The following CLBA1 variants were observed in gnomAD, a reference collection of about 807,000 sequenced individuals.
The protein encoded by CLBA1 is clathrin binding box of aftiphilin containing 1.
CLBA1 carries 30 observed loss-of-function variants against 28.8 expected under a neutral mutation model. The ratio of observed to expected loss-of-function variants is 1.04; its 90% CI spans 0.78 to 1.41. The LOEUF is 1.41. CLBA1 is among the 40% of genes most tolerant of loss of function. The pLI, the probability that CLBA1 is intolerant of heterozygous loss-of-function variation, is 0.00. For missense variants in CLBA1, 451 were observed against 412.3 expected (o/e 1.09, Z -0.81); for synonymous variants, 160 against 152.8 (o/e 1.05, Z -0.35).
Position 104,994,933 on chromosome 14 carries a change from TG to T in CLBA1, c.*176del, listed in dbSNP as rs949605512. The T allele has an allele frequency of 1.5e-5, 20 of 1,347,048 alleles. No individual in the cohort carries two copies. The highest frequency in any genetic ancestry group is 1.7e-5 in the Non-Finnish European group (18 of 1,051,866). The allele number at this position is 1,347,048 out of a possible 1,614,324, so 83.4% of individuals were successfully genotyped here. A position where few individuals can be genotyped will look rare whatever the true frequency, so the allele number is the denominator to read the frequency against. On this transcript the variant is annotated 3_prime_UTR_variant, in exon 5 of 5. Coordinates refer to ENST00000547315, the MANE Select transcript of CLBA1 (RefSeq NM_174891.4). ...GCTTGTCTCGGGTCTGACCAGGAGA[TG>T]GAGGATGTGTCCTTGGCAGAGCCAA...
intron 1 of CLBA1, among the ~76,000 whole-genome samples, chr14:104,987,982 CTCTT>C (rs1899914134): frequency 6.6e-6 from 1 of 152,046 alleles, no homozygotes. Context: ...ATGAGATCCA[CTCTT>C]AATAGAGTAA....
chr14:104,992,121 G>A (rs1361463356), intron 3 of CLBA1, among the ~76,000 whole-genome samples: 7 of 128,514 alleles, frequency 5.4e-5, no homozygotes, highest in African/African-American at 1.9e-4. Flanking sequence ...CCATGCACAC[G>A]CCACCACGCA....
chr14:104,988,893 A>G (rs1299425143), intron 1 of CLBA1, 50 bp from the exon 2 acceptor site: 1 of 1,512,328 alleles, frequency 6.6e-7, no homozygotes. Flanking sequence ...AGGTAACGTT[A>G]TGTATGTCTT....
downstream of CLBA1, among the ~76,000 whole-genome samples, chr14:104,998,631 C>T (rs369891022): frequency 6.6e-6 from 1 of 152,224 alleles, no homozygotes; most frequent in Non-Finnish European, 1.5e-5. Flanking sequence ...TGCGGGAAAG[C>T]AGCTTCTCTG....
At chr14:104,987,215 TCTG>T (rs1899889171) in intron 1 of CLBA1, among the ~76,000 whole-genome samples, 1 of 152,268 alleles carries the variant, frequency 6.6e-6, no homozygotes, top group African/African-American at 2.4e-5. Flanking sequence ...GAATTCTGAA[TCTG>T]CTGAGTTCAA....
chr14:104,995,755 A>G (rs557972200), downstream of CLBA1, among the ~76,000 whole-genome samples: 3 of 152,352 alleles, frequency 2.0e-5, no homozygotes, highest in South Asian at 4.1e-4. Context: ...GGCCTCGGCC[A>G]CCCAGCTGCA....
Position 104,986,861 on chromosome 14 carries a change from C to A in CLBA1, c.423+7C>A. On this transcript the variant is annotated splice_region_variant and intron_variant, in intron 1 of 4. Transcript: ENST00000547315. ...TGCCGTCCCACCTTCTGAGGTATTTCTGCTGTGCTGTGGTCACCATGTTGA... is the reference window on the plus strand; with the variant it reads ...TGCCGTCCCACCTTCTGAGGTATTTATGCTGTGCTGTGGTCACCATGTTGA... 6.2e-7 allele frequency: 1 copy of A among 1,611,960 alleles called. No homozygotes were observed. Among genetic ancestry groups the A allele is most frequent in the Non-Finnish European group, 8.5e-7 (1 of 1,179,364 alleles).
chr14:104,998,630 G>A (rs1900208801), downstream of CLBA1, among the ~76,000 whole-genome samples: 1 of 152,228 alleles, frequency 6.6e-6, no homozygotes, highest in Non-Finnish European at 1.5e-5. Context: ...GTGCGGGAAA[G>A]CAGCTTCTCT....
At position 104,995,108 on chromosome 14, in the gene CLBA1, A is replaced by G. The variant is rs1900133874; in HGVS notation, c.*349A>G. 10 of 1,004,300 alleles carry G rather than the reference A, an allele frequency of 1.0e-5. No homozygotes were observed. The highest frequency in any genetic ancestry group is 1.2e-5 in the Non-Finnish European group (10 of 842,788). 62.2% of individuals were successfully genotyped at this position (1,004,300 alleles called of 1,614,324 possible). ...GCATGGCTTCTGGGCTGCTTAGTCCAGGGGGAGCAACTTGTGGCCAAATCC... is the reference window on the plus strand; with the variant it reads ...GCATGGCTTCTGGGCTGCTTAGTCCGGGGGGAGCAACTTGTGGCCAAATCC... On this transcript the variant is annotated 3_prime_UTR_variant, in exon 5 of 5. Transcript: ENST00000547315.
chr14:104,986,561 G>T lies in CLBA1; in HGVS notation c.130G>T (p.Asp44Tyr). ...TTTGGAATGGAGACGGACCTGCCCC[G>T]ACCTTCTCCTGTCCGATGGGAAAGC... ...DSLEWRRTCPDLLLSDGKASI... is the reference protein window; with the variant it reads ...DSLEWRRTCPYLLLSDGKASI... The change falls in exon 1 of 5, where the codon GAC (aspartate) becomes TAC (tyrosine). Residue 44 changes from aspartate to tyrosine, a missense_variant. By Grantham distance (160) the Asp-to-Tyr change is radical. Transcript: ENST00000547315. The T allele has an allele frequency of 6.2e-7, 1 of 1,613,968 alleles. No individual in the cohort carries two copies.
At chr14:104,993,242 T>G (rs992507374) in intron 4 of CLBA1, 178 bp downstream of exon 4, 4 of 985,340 alleles carry the variant, frequency 4.1e-6, no homozygotes, top group Non-Finnish European at 4.8e-6. Flanking sequence ...TGAACACCAC[T>G]GCAGGGTGCC....
chr14:104,999,891 G>T (rs923873067), downstream of CLBA1, among the ~76,000 whole-genome samples: 16 of 152,186 alleles, frequency 1.1e-4, no homozygotes, highest in Non-Finnish European at 7.4e-5. Flanking sequence ...GCAAGAAAAA[G>T]AGCAAATTAA....
At chr14:104,998,722 A>G (rs1900211046), downstream of CLBA1, among the ~76,000 whole-genome samples, 1 of 152,248 alleles carries the variant, frequency 6.6e-6, no homozygotes, top group African/African-American at 2.4e-5. Flanking sequence ...GGCCTTTCAC[A>G]GTGAGTGTGG....
chr14:104,998,674 C>G (rs1416801357), downstream of CLBA1, among the ~76,000 whole-genome samples: 1 of 152,342 alleles, frequency 6.6e-6, no homozygotes, highest in African/African-American at 2.4e-5. Flanking sequence ...GGAATTAAGG[C>G]CTGGCCAAGG....
chr14:104,989,297 C>T, intron 2 of CLBA1: 1 of 540,196 alleles, frequency 1.9e-6, no homozygotes, highest in South Asian at 2.1e-5. Context: ...TATTCATCCT[C>T]CTCCCCAGCC....
Position 104,992,940 on chromosome 14 carries a change from C to T in CLBA1, c.700-8C>T. 1 of 1,604,198 alleles carries T rather than the reference C, an allele frequency of 6.2e-7. No individual in the cohort carries two copies. The highest frequency in any genetic ancestry group is 8.5e-7 in the Non-Finnish European group (1 of 1,170,988). The stretch of plus-strand genomic sequence containing the variant: ...GTACCGGCTGTCTGATGGGGTCTGT[C>T]TCCTTAGAACCTTTCTGGAGGCCAG... On this transcript the variant is annotated splice_polypyrimidine_tract_variant and splice_region_variant and intron_variant, in intron 3 of 4. Coordinates refer to ENST00000547315, the MANE Select transcript of CLBA1 (RefSeq NM_174891.4).
At chr14:104,992,310 CCTGGG>C (rs1341679498) in intron 3 of CLBA1, among the ~76,000 whole-genome samples, 1 of 152,246 alleles carries the variant, frequency 6.6e-6, no homozygotes, top group African/African-American at 2.4e-5. Flanking sequence ...TGCTCAAGCT[CCTGGG>C]CTGTCGCAGA....
intron 3 of CLBA1, 88 bp downstream of exon 3, chr14:104,991,708 G>T: frequency 1.4e-6 from 2 of 1,480,872 alleles, no homozygotes; most frequent in African/African-American, 1.4e-5. Context: ...CAAGGGGTGG[G>T]TGCAGGCAGA....
chr14:104,991,595 T>TTCTCGGAATA lies in CLBA1; in HGVS notation c.675_684dup (p.Asp229SerfsTer22), dbSNP rs1900023419. On this transcript the variant is annotated frameshift_variant, in exon 3 of 5. Transcript: ENST00000547315. LOFTEE classifies it high-confidence loss of function. Reference sequence around the variant, plus strand: ...CGTTGCCAGGAGAACTTCTTTCTTGTTCTCGGAATAGATGCTGCGCAGAAG... The same window carrying TTCTCGGAATA: ...CGTTGCCAGGAGAACTTCTTTCTTGTTCTCGGAATATCTCGGAATAGATGCTGCGCAGAAG... 2 of 1,613,218 alleles carry TTCTCGGAATA rather than the reference T, an allele frequency of 1.2e-6. No homozygotes were observed. Among genetic ancestry groups the TTCTCGGAATA allele is most frequent in the Non-Finnish European group, 1.7e-6 (2 of 1,179,576 alleles).
Sources: allele counts gnomAD v4.1 joint callset (sites outside exome capture counted in the v4.1 genomes callset), GRCh38; gene constraint gnomAD v4.1.1; transcripts MANE v1.5; gene names NCBI Gene and HGNC (gene_info 2026-07-23, HGNC 2026-07-21).